The following C5 variants were observed in gnomAD, a reference collection of about 807,000 sequenced individuals.
The protein encoded by C5 is C3 and PZP-like alpha-2-macroglobulin domain-containing protein 4.
Under a neutral mutation model 218.8 loss-of-function variants are expected in C5, and 140 were observed. The ratio of observed to expected loss-of-function variants is 0.64; its 90% CI spans 0.56 to 0.74. The LOEUF is 0.74. Ranked by LOEUF, C5 falls within the 30% of genes least tolerant of loss-of-function variation. The probability of loss-of-function intolerance (pLI) is 0.00; values close to 1 mark genes in which losing one functional copy is unlikely to be tolerated. For missense variants in C5, 1,700 were observed against 1,969.6 expected (o/e 0.86, Z 2.59); for synonymous variants, 614 against 682.3 (o/e 0.90, Z 1.56).
intron 21 of C5, among the ~76,000 whole-genome samples, chr9:120,997,319 T>C (rs980048360): frequency 6.6e-6 from 1 of 152,230 alleles, no homozygotes; most frequent in Non-Finnish European, 1.5e-5. Context: ...TTCAGTATTT[T>C]ATATTTTCTA....
At chr9:120,955,781 G>T (rs1016471658) in intron 39 of C5, among the ~76,000 whole-genome samples, 3 of 152,094 alleles carry the variant, frequency 2.0e-5, no homozygotes, top group Admixed American at 6.6e-5. Context: ...TCTAGGGTAT[G>T]GTTAGTAATA....
intron 22 of C5, among the ~76,000 whole-genome samples, chr9:120,995,616 T>C (rs1312190855): frequency 6.6e-6 from 1 of 152,090 alleles, no homozygotes; most frequent in African/African-American, 2.4e-5. Flanking sequence ...TTCTTTGGAC[T>C]GTTGGCTCAA....
chr9:121,019,230 C>G (rs1026146863), intron 12 of C5, among the ~76,000 whole-genome samples: 1 of 151,982 alleles, frequency 6.6e-6, no homozygotes, highest in African/African-American at 2.4e-5. Context: ...GATTTGGTAT[C>G]TAGTCCATAA....
At chr9:120,964,784 A>C (rs1342618856) in intron 33 of C5, among the ~76,000 whole-genome samples, 1 of 152,186 alleles carries the variant, frequency 6.6e-6, no homozygotes, top group East Asian at 1.9e-4. Flanking sequence ...CCCACAAATC[A>C]TTTCCCCTTT....
chr9:121,072,728 C>T, the C5 span, among the ~76,000 whole-genome samples: 1 of 150,730 alleles, frequency 6.6e-6, no homozygotes, highest in Non-Finnish European at 1.5e-5. Flanking sequence ...ATCGCTTGAA[C>T]CCGGGAGGCG....
At chr9:121,055,617 G>A in the C5 span, among the ~76,000 whole-genome samples, 1 of 152,180 alleles carries the variant, frequency 6.6e-6, no homozygotes, top group Non-Finnish European at 1.5e-5. Context: ...AGTGTTTCTA[G>A]GCCCATCCTG....
At chr9:121,074,757 CA>C in the C5 span, 1 of 453,374 alleles carries the variant, frequency 2.2e-6, no homozygotes, top group Non-Finnish European at 4.4e-6. Flanking sequence ...ACTTCACCTG[CA>C]ACGCAATCCG....
chr9:121,010,034 G>A (rs1169263276), intron 17 of C5, among the ~76,000 whole-genome samples: 7 of 152,242 alleles, frequency 4.6e-5, no homozygotes, highest in Non-Finnish European at 1.0e-4. Context: ...CCCCACCATG[G>A]GCTGGAGTGC....
At chr9:121,014,982 T>A (rs2047294054) in intron 16 of C5, among the ~76,000 whole-genome samples, 3 of 152,176 alleles carry the variant, frequency 2.0e-5, no homozygotes, top group Admixed American at 1.3e-4. Context: ...GAGCTTGAAG[T>A]AATAAAGACC....
In C5 at chr9:120,989,110, T is replaced by C. The variant is rs753693427; in HGVS notation, c.3166A>G (p.Ile1056Val). The change falls in exon 25 of 41, where the codon ATT (isoleucine) becomes GTT (valine). Residue 1056 changes from isoleucine to valine, a missense_variant. Coordinates refer to ENST00000223642, the MANE Select transcript of C5 (RefSeq NM_001735.3). ...KKKLKEGMLS[I>V]MSYRNADYSY... ...TAGTCAGCATTTCTGTAGGACATAA[T>C]GCTCAACATCCCTAAGAAGCACAAG... is the stretch of plus-strand genomic sequence containing the variant. 2.4e-5 allele frequency: 38 copies of C among 1,613,368 alleles called. No homozygotes were observed. The South Asian group carries it at 3.8e-4, about 16-fold the overall frequency.
At chr9:121,012,566 C>A (rs1315859257) in intron 17 of C5, among the ~76,000 whole-genome samples, 1 of 152,108 alleles carries the variant, frequency 6.6e-6, no homozygotes, top group Admixed American at 6.5e-5. Context: ...CAATCTGAAT[C>A]TTAGACACTG....
At chr9:120,999,976 T>C (rs2047146792) in intron 20 of C5, 1 of 442,160 alleles carries the variant, frequency 2.3e-6, no homozygotes. Context: ...GGAGAATCGC[T>C]TGAACCTGGC....
rs529999368 is a variant in C5, at chr9:121,027,182, T to G, written c.851A>C (p.Gln284Pro). Reference sequence around the variant, plus strand: ...TACCATTGTGTTTTGCATTGCTGTTTGCATCATTTCTTTTTGATCATCTTT... The same window carrying G: ...TACCATTGTGTTTTGCATTGCTGTTGGCATCATTTCTTTTTGATCATCTTT... ...DLKDDQKEMM[Q>P]TAMQNTMLIN... Residue 284 changes from glutamine to proline, a missense_variant, in exon 8 of 41, where the codon CAA becomes CCA. By Grantham distance (76) the Gln-to-Pro change is moderately conservative. Coordinates refer to ENST00000223642, the MANE Select transcript of C5 (RefSeq NM_001735.3). 52 of 1,590,172 alleles carry G rather than the reference T, an allele frequency of 3.3e-5. No individual in the cohort carries two copies. The South Asian group carries it at 5.5e-4, about 17-fold the overall frequency.
At chr9:120,980,385 T>C (rs1294503792) in intron 27 of C5, 131 bp from the exon 28 acceptor site, 3 of 767,090 alleles carry the variant, frequency 3.9e-6, no homozygotes, top group Admixed American at 2.0e-5. Context: ...CTAATGGAAA[T>C]GGATGGCTTC....
intron 16 of C5, 84 bp downstream of exon 16, chr9:121,015,115 G>C (rs1329819688): frequency 6.0e-6 from 5 of 837,598 alleles, no homozygotes; most frequent in Non-Finnish European, 8.0e-6. Context: ...TTTCAATTAG[G>C]GGAATTTATA....
intron 30 of C5, 97 bp downstream of exon 30, chr9:120,974,682 A>C (rs1429084006): frequency 1.8e-6 from 2 of 1,128,372 alleles, no homozygotes; most frequent in East Asian, 2.4e-5. Context: ...ATATATGTTT[A>C]AGTAGTGAAG....
intron 4 of C5, among the ~76,000 whole-genome samples, chr9:121,037,069 T>A (rs1262461950): frequency 6.6e-6 from 1 of 152,036 alleles, no homozygotes; most frequent in East Asian, 1.9e-4. Flanking sequence ...CTGTTACATA[T>A]GTCATGTCTG....
chr9:121,031,981 T>C (rs1416549576), intron 6 of C5, 132 bp downstream of exon 6: 3 of 567,418 alleles, frequency 5.3e-6, no homozygotes, highest in Non-Finnish European at 9.8e-6. Flanking sequence ...GAGAATTGCT[T>C]GAACCCAGGA....
At chr9:120,974,712 A>G (rs2046939754) in intron 30 of C5, 67 bp downstream of exon 30, 1 of 1,351,158 alleles carries the variant, frequency 7.4e-7, no homozygotes, top group Non-Finnish European at 1.1e-6. Context: ...TATAAAATAA[A>G]GAGTGGAACA....
Sources: allele counts gnomAD v4.1 joint callset (sites outside exome capture counted in the v4.1 genomes callset), GRCh38; gene constraint gnomAD v4.1.1; transcripts MANE v1.5; gene names NCBI Gene and HGNC (gene_info 2026-07-23, HGNC 2026-07-21).